Variants in GABPA observed in about 807,000 individuals in gnomAD.
The protein encoded by GABPA is GA binding protein transcription factor subunit alpha.
A neutral mutation model predicts 59.4 loss-of-function variants in GABPA; 4 were observed. The ratio of observed to expected loss-of-function variants is 0.07; its 90% CI spans 0.03 to 0.15. The LOEUF is 0.15. GABPA is among the 10% of genes least tolerant of loss of function. The pLI, the probability that GABPA is intolerant of heterozygous loss-of-function variation, is 1.00. For missense variants in GABPA, 251 were observed against 543.8 expected (o/e 0.46, Z 5.36); for synonymous variants, 164 against 183.1 (o/e 0.90, Z 0.84).
intron 2 of GABPA, among the ~76,000 whole-genome samples, chr21:25,744,161 G>A (rs1189877672): frequency 2.0e-5 from 3 of 150,080 alleles, no homozygotes; most frequent in East Asian, 2.0e-4. Flanking sequence ...TTTTAAATAA[G>A]CTTGTTTTTA....
At chr21:25,739,007 T>TA (rs1311473436) in intron 1 of GABPA, among the ~76,000 whole-genome samples, 1 of 152,212 alleles carries the variant, frequency 6.6e-6, no homozygotes, top group Non-Finnish European at 1.5e-5. Flanking sequence ...TTCTGCTAGA[T>TA]ATGCACGTGA....
intron 5 of GABPA, among the ~76,000 whole-genome samples, chr21:25,757,687 C>T (rs1301518852): frequency 6.6e-6 from 1 of 151,828 alleles, no homozygotes; most frequent in African/African-American, 2.4e-5. Flanking sequence ...ACTTTATTCT[C>T]TCCAGAATAA....
intron 6 of GABPA, 57 bp downstream of exon 6, chr21:25,758,261 G>A: frequency 3.1e-6 from 4 of 1,273,858 alleles, no homozygotes; most frequent in Non-Finnish European, 4.3e-6. Context: ...TTATTTCCTT[G>A]TAACTTTGTT....
At chr21:25,745,162 T>C in intron 2 of GABPA, 48 bp from the exon 3 acceptor site, 1 of 1,594,410 alleles carries the variant, frequency 6.3e-7, no homozygotes, top group Non-Finnish European at 8.5e-7. Context: ...TGCTTTGAAA[T>C]CCAGGGTAAA....
At chr21:25,757,963 C>A (rs1386788435) in intron 5 of GABPA, 47 bp from the exon 6 acceptor site, 2 of 1,119,500 alleles carry the variant, frequency 1.8e-6, no homozygotes, top group Non-Finnish European at 2.4e-6. Context: ...TAAATTTACA[C>A]AGTATCTAAA....
intron 2 of GABPA, among the ~76,000 whole-genome samples, chr21:25,742,483 T>C (rs2035246612): frequency 2.0e-5 from 3 of 152,212 alleles, no homozygotes; most frequent in Admixed American, 2.0e-4. Flanking sequence ...AGATTTAAAA[T>C]CTTAAATTTT....
chr21:25,761,463 C>T lies in GABPA; in HGVS notation c.749-849C>T, dbSNP rs2035763943. Among the ~76,000 whole-genome samples, 3 of 151,950 alleles carry T rather than the reference C, an allele frequency of 2.0e-5. 1 individual carries two copies. The South Asian group carries it at 6.2e-4, about 31-fold the overall frequency. ...ATAGGATTCTGACCTCTTTTTACTT[C>T]CCCAACCTTTTCCAGCTCTGCGTGT... is the stretch of plus-strand genomic sequence containing the variant. On this transcript the variant is annotated intron_variant, in intron 6 of 9. Transcript: ENST00000400075.
At chr21:25,741,178 A>G (rs1045554299) in intron 1 of GABPA, among the ~76,000 whole-genome samples, 1 of 152,056 alleles carries the variant, frequency 6.6e-6, no homozygotes, top group Admixed American at 6.5e-5. Flanking sequence ...CCCATACTGG[A>G]GTGCAGTGGT....
At chr21:25,754,253 T>C (rs1433376184) in intron 5 of GABPA, among the ~76,000 whole-genome samples, 1 of 151,286 alleles carries the variant, frequency 6.6e-6, no homozygotes, top group Non-Finnish European at 1.5e-5. Context: ...TAAATGTAAC[T>C]ATTAGAAAAT....
chr21:25,743,653 C>T (rs1376622198), intron 2 of GABPA, among the ~76,000 whole-genome samples: 1 of 149,352 alleles, frequency 6.7e-6, no homozygotes, highest in African/African-American at 2.5e-5. Flanking sequence ...TAAATGATAG[C>T]AATAAAAACT....
At chr21:25,739,100 A>G (rs980586499) in intron 1 of GABPA, among the ~76,000 whole-genome samples, 1 of 152,232 alleles carries the variant, frequency 6.6e-6, no homozygotes, top group Non-Finnish European at 1.5e-5. Context: ...ATCCCAGTGG[A>G]GAACCTTACC....
At chr21:25,753,061 A>G (rs2035552427) in intron 5 of GABPA, among the ~76,000 whole-genome samples, 1 of 152,208 alleles carries the variant, frequency 6.6e-6, no homozygotes, top group South Asian at 2.1e-4. Context: ...TAATCTTGAT[A>G]AAAATTGGTT....
chr21:25,752,288 A>C (rs1226181426), intron 5 of GABPA, 54 bp downstream of exon 5: 2 of 1,547,462 alleles, frequency 1.3e-6, no homozygotes, highest in Non-Finnish European at 8.9e-7. Context: ...TAAGCTTGAC[A>C]TAGAAGACAC....
intron 1 of GABPA, among the ~76,000 whole-genome samples, chr21:25,738,088 G>A (rs1260432515): frequency 6.6e-6 from 1 of 152,154 alleles, no homozygotes; most frequent in Non-Finnish European, 1.5e-5. Context: ...CTGGGTTATA[G>A]GTATGAGTAT....
intron 1 of GABPA, among the ~76,000 whole-genome samples, chr21:25,737,872 A>G (rs553978085): frequency 9.2e-5 from 14 of 152,196 alleles, no homozygotes; most frequent in South Asian, 8.3e-4. Context: ...TAATATATCT[A>G]TTTTGTGTGG....
At chr21:25,738,924 GAAA>G (rs533150942) in intron 1 of GABPA, among the ~76,000 whole-genome samples, 86 of 144,554 alleles carry the variant, frequency 5.9e-4, no homozygotes, top group African/African-American at 2.0e-3. Context: ...GCATCAGCAA[GAAA>G]AAAAAAAACC....
At chr21:25,756,122 A>G (rs571264459) in intron 5 of GABPA, among the ~76,000 whole-genome samples, 28 of 152,338 alleles carry the variant, frequency 1.8e-4, no homozygotes, top group African/African-American at 6.5e-4. Flanking sequence ...TGGGTGGACA[A>G]TTAGTTATGT....
At chr21:25,739,014 G>T (rs111786830) in intron 1 of GABPA, among the ~76,000 whole-genome samples, 13 of 152,258 alleles carry the variant, frequency 8.5e-5, no homozygotes, top group Non-Finnish European at 1.6e-4. Context: ...AGATATGCAC[G>T]TGAACAGAAT....
chr21:25,748,538 G>C (rs1246212370), intron 3 of GABPA, among the ~76,000 whole-genome samples: 1 of 152,166 alleles, frequency 6.6e-6, no homozygotes, highest in Admixed American at 6.5e-5. Context: ...AGGTTAGGTA[G>C]TAAGGTCATA....
Sources: gnomAD v4.1 joint callset for allele counts (sites outside exome capture counted in the v4.1 genomes callset) on GRCh38, gnomAD v4.1.1 for gene constraint, MANE v1.5 for transcripts, NCBI Gene and HGNC (gene_info 2026-07-23, HGNC 2026-07-21) for gene names.